ARNT: variants seen among roughly 807,000 people sequenced by gnomAD.
The protein encoded by ARNT is class E basic helix-loop-helix protein 2.
A neutral mutation model predicts 105.0 loss-of-function variants in ARNT; 30 were observed. The observed-to-expected ratio is 0.29, with a 90% CI of 0.21 to 0.39. The LOEUF is 0.39. ARNT is among the 10% of genes least tolerant of loss of function. The pLI, the probability that ARNT is intolerant of heterozygous loss-of-function variation, is 1.00. For missense variants in ARNT, 748 were observed against 978.7 expected (o/e 0.76, Z 3.15); for synonymous variants, 304 against 344.0 (o/e 0.88, Z 1.29).
intron 14 of ARNT, chr1:150,818,267 AG>A: frequency 2.4e-6 from 1 of 408,536 alleles, no homozygotes; most frequent in Non-Finnish European, 4.4e-6. Flanking sequence ...AACTCCTTCT[AG>A]GTATTCAAAA....
intron 18 of ARNT, 141 bp downstream of exon 18, chr1:150,816,647 G>T: frequency 9.7e-7 from 1 of 1,031,216 alleles, no homozygotes; most frequent in Non-Finnish European, 1.4e-6. Flanking sequence ...AAGAAAAGCA[G>T]CTTGTTTGCC....
chr1:150,875,465 T>C (rs1003996057), intron 1 of ARNT, among the ~76,000 whole-genome samples: 3 of 152,132 alleles, frequency 2.0e-5, no homozygotes, highest in Non-Finnish European at 2.9e-5. Flanking sequence ...TAATCACTCC[T>C]ACTGTTTTAT....
chr1:150,841,856 C>A (rs926882351), intron 5 of ARNT, among the ~76,000 whole-genome samples: 1 of 152,178 alleles, frequency 6.6e-6, no homozygotes, highest in Non-Finnish European at 1.5e-5. Flanking sequence ...GTACAGAAAC[C>A]TGGTCTTTTA....
rs143641553 is a variant in ARNT, at chr1:150,842,445, G to A, written c.251C>T (p.Ala84Val). 44 of 1,610,506 alleles carry A rather than the reference G, an allele frequency of 2.7e-5. No homozygotes were observed. The highest frequency in any genetic ancestry group is 5.4e-5 in the African/African-American group (4 of 74,656). The change falls in exon 5 of 22, where the codon GCG (alanine) becomes GTG (valine). Residue 84 changes from alanine (A) to valine (V), a missense_variant. Physicochemically the swap from Ala to Val is moderately conservative, Grantham distance 64 (BLOSUM62 0). This residue lies in a region of ARNT where 291 missense variants were observed against 444.6 expected (regional missense o/e 0.65). Coordinates refer to ENST00000358595, the MANE Select transcript of ARNT (RefSeq NM_001668.4). ...CTACCTGGCAAGTCTCTCTTTATCC[G>A]CAGAGCTCTGCTCATCATCCGACCT... ...FARSDDEQSSADKERLARENH... is the reference protein window; with the variant it reads ...FARSDDEQSSVDKERLARENH...
At chr1:150,876,445 T>A in intron 1 of ARNT, 98 bp downstream of exon 1, 1 of 1,303,338 alleles carries the variant, frequency 7.7e-7, no homozygotes, top group Non-Finnish European at 1.0e-6. Context: ...CCCCGGCGCC[T>A]TCAGCTCCAG....
intron 10 of ARNT, chr1:150,830,349 C>CAA: frequency 6.5e-6 from 1 of 152,866 alleles, no homozygotes; most frequent in Non-Finnish European, 1.4e-5. Context: ...GACTCCCTCT[C>CAA]AAAAAAAAAA....
intron 13 of ARNT, among the ~76,000 whole-genome samples, chr1:150,825,409 A>C (rs1434347494): frequency 6.6e-6 from 1 of 152,218 alleles, no homozygotes; most frequent in South Asian, 2.1e-4. Context: ...AGACTTAAAG[A>C]GGTTAATTAA....
chr1:150,819,424 A>G (rs1415390815), intron 14 of ARNT, among the ~76,000 whole-genome samples: 1 of 152,250 alleles, frequency 6.6e-6, no homozygotes, highest in Admixed American at 6.5e-5. Context: ...AAAAACTAGT[A>G]AACAAATATT....
chr1:150,846,136 T>C (rs185081525), intron 4 of ARNT, 127 bp downstream of exon 4: 5 of 719,314 alleles, frequency 7.0e-6, no homozygotes, highest in African/African-American at 5.4e-5. Flanking sequence ...TACTTCCAAA[T>C]AGGAAAGATA....
intron 1 of ARNT, among the ~76,000 whole-genome samples, chr1:150,862,860 G>A (rs1298947793): frequency 6.6e-6 from 1 of 151,886 alleles, no homozygotes; most frequent in African/African-American, 2.4e-5. Context: ...AGACCAGCCT[G>A]GCCAATATGG....
At chr1:150,835,249 G>A (rs587715493) in intron 7 of ARNT, among the ~76,000 whole-genome samples, 8 of 151,582 alleles carry the variant, frequency 5.3e-5, no homozygotes, top group Non-Finnish European at 1.0e-4. Context: ...ATACAGAAAC[G>A]AAGAACAACT....
At chr1:150,825,813 A>C (rs1658104045) in intron 13 of ARNT, among the ~76,000 whole-genome samples, 3 of 149,176 alleles carry the variant, frequency 2.0e-5, no homozygotes, top group Admixed American at 6.8e-5. Context: ...TGCACACTAC[A>C]CTCCACCCTG....
intron 1 of ARNT, among the ~76,000 whole-genome samples, chr1:150,863,807 C>T (rs1166442805): frequency 6.6e-6 from 1 of 151,452 alleles, no homozygotes; most frequent in Non-Finnish European, 1.5e-5. Flanking sequence ...AAGAGCAAAA[C>T]TCCGTCTCAA....
intron 8 of ARNT, among the ~76,000 whole-genome samples, chr1:150,833,937 C>CTTTTTT (rs1449123694): frequency 2.1e-5 from 3 of 141,886 alleles, no homozygotes; most frequent in Non-Finnish European, 3.1e-5. Context: ...TTTTCTTTTT[C>CTTTTTT]TTTTTTTTTT....
intron 1 of ARNT, among the ~76,000 whole-genome samples, chr1:150,865,831 C>A (rs1666477376): frequency 2.0e-5 from 3 of 152,082 alleles, no homozygotes; most frequent in South Asian, 2.1e-4. Context: ...ACTGGTAGAG[C>A]CTATCTTCTA....
At chr1:150,825,388 C>T (rs890678401) in intron 13 of ARNT, among the ~76,000 whole-genome samples, 8 of 152,030 alleles carry the variant, frequency 5.3e-5, no homozygotes, top group Non-Finnish European at 1.0e-4. Flanking sequence ...GTATCAATAA[C>T]GACACTACTG....
chr1:150,828,237 T>C (rs1402047443), intron 12 of ARNT, among the ~76,000 whole-genome samples: 1 of 152,066 alleles, frequency 6.6e-6, no homozygotes, highest in Non-Finnish European at 1.5e-5. Flanking sequence ...GATTTTCTCC[T>C]AGGAGTTTAT....
chr1:150,826,468 A>G lies in ARNT; in HGVS notation c.1242+75T>C, dbSNP rs1658289628. 5 of 1,191,776 alleles carry G rather than the reference A, an allele frequency of 4.2e-6. No homozygotes were observed. The East Asian group carries it at 1.2e-4, about 28-fold the overall frequency. 73.8% of individuals were successfully genotyped at this position (1,191,776 alleles called of 1,614,324 possible). A position where few individuals can be genotyped will look rare whatever the true frequency, so the allele number is the denominator to read the frequency against. ...AACTGTAGTGCCTGCCACAGTGTTC[A>G]GTTAATCAGTAGTCAATATTTATGG... On this transcript the variant is annotated intron_variant, in intron 13 of 21. Coordinates refer to ENST00000358595, the MANE Select transcript of ARNT (RefSeq NM_001668.4).
At chr1:150,825,703 G>A (rs904790329) in intron 13 of ARNT, among the ~76,000 whole-genome samples, 1 of 152,000 alleles carries the variant, frequency 6.6e-6, no homozygotes, top group African/African-American at 2.4e-5. Flanking sequence ...ACAAAAATTA[G>A]CTGGGCGTGG....
Sources: allele counts gnomAD v4.1 joint callset (sites outside exome capture counted in the v4.1 genomes callset), GRCh38; gene constraint gnomAD v4.1.1; regional missense constraint gnomAD v4.1.1; transcripts MANE v1.5; gene names NCBI Gene and HGNC (gene_info 2026-07-23, HGNC 2026-07-21).